Variants in CCDC178 observed in about 807,000 individuals in gnomAD.
CCDC178 encodes the protein coiled-coil domain containing 178.
Under a neutral mutation model 117.4 loss-of-function variants are expected in CCDC178, and 126 were observed. The ratio of observed to expected loss-of-function variants is 1.07; its 90% CI spans 0.93 to 1.24. The LOEUF (loss-of-function observed/expected upper bound fraction) is 1.24. Ranked by LOEUF, CCDC178 falls within the 50% of genes most tolerant of loss-of-function variation. The pLI, the probability that CCDC178 is intolerant of heterozygous loss-of-function variation, is 0.00. For missense variants in CCDC178, 1,030 were observed against 986.9 expected (o/e 1.04, Z -0.59); for synonymous variants, 283 against 313.4 (o/e 0.90, Z 1.02).
At chr18:33,234,240 T>A (rs2059400773) in intron 15 of CCDC178, among the ~76,000 whole-genome samples, 1 of 151,786 alleles carries the variant, frequency 6.6e-6, no homozygotes, top group African/African-American at 2.4e-5. Flanking sequence ...CTGCTGTACC[T>A]TCACACTATT....
rs181916848 is a variant in CCDC178, at chr18:33,106,323, A to G, written c.2239-13413T>C. On this transcript the variant is annotated intron_variant, in intron 20 of 22. Transcript: ENST00000383096. ...AAAATAAAGAAAGGAAGGAAGGAAG[A>G]AAGAAAGAGCAAGTCTTCTGGAATT... Among the ~76,000 whole-genome samples, 309 of 151,840 alleles carry G rather than the reference A, an allele frequency of 2.0e-3. 2 individuals are homozygous for G. Among genetic ancestry groups the G allele is most frequent in the African/African-American group, 7.0e-3 (290 of 41,486 alleles).
At chr18:33,367,450 C>G (rs1354162616) in intron 6 of CCDC178, among the ~76,000 whole-genome samples, 1 of 151,974 alleles carries the variant, frequency 6.6e-6, no homozygotes, top group African/African-American at 2.4e-5. Context: ...TCAAAGAGTT[C>G]TTTCCAGTTG....
chr18:33,238,171 A>T (rs1599037569), intron 15 of CCDC178, among the ~76,000 whole-genome samples: 1 of 152,170 alleles, frequency 6.6e-6, no homozygotes, highest in East Asian at 1.9e-4. Flanking sequence ...TACATAACGT[A>T]CTCCATAAAA....
intron 21 of CCDC178, among the ~76,000 whole-genome samples, chr18:33,035,384 T>C (rs2056424139): frequency 6.6e-6 from 1 of 151,718 alleles, no homozygotes; most frequent in South Asian, 2.1e-4. Flanking sequence ...AATGAATGGA[T>C]AAAGAAAATA....
chr18:33,088,381 GAT>G (rs2057414281), intron 21 of CCDC178, among the ~76,000 whole-genome samples: 1 of 149,050 alleles, frequency 6.7e-6, no homozygotes, highest in Non-Finnish European at 1.5e-5. Context: ...GGAAATAATG[GAT>G]ATCTTAACAA....
At chr18:33,388,171 C>T (rs1008774163) in intron 5 of CCDC178, among the ~76,000 whole-genome samples, 32 of 152,180 alleles carry the variant, frequency 2.1e-4, no homozygotes, top group African/African-American at 7.7e-4. Flanking sequence ...GAGATACCAT[C>T]TCACGCCAGT....
intron 21 of CCDC178, among the ~76,000 whole-genome samples, chr18:33,083,454 C>T (rs1242359913): frequency 6.6e-6 from 1 of 152,198 alleles, no homozygotes; most frequent in Non-Finnish European, 1.5e-5. Context: ...GTGTCAATTT[C>T]AGTGCTTCCT....
At chr18:32,998,898 C>T (rs545143418) in intron 21 of CCDC178, among the ~76,000 whole-genome samples, 74 of 152,134 alleles carry the variant, frequency 4.9e-4, no homozygotes, top group Non-Finnish European at 6.3e-4. Context: ...CAGGTGTCAA[C>T]ATATTTCCAG....
chr18:33,003,487 C>A (rs1043132539), intron 21 of CCDC178, among the ~76,000 whole-genome samples: 6 of 152,032 alleles, frequency 3.9e-5, no homozygotes, highest in African/African-American at 1.4e-4. Context: ...ATTTAACATC[C>A]TTTCATAATA....
intron 21 of CCDC178, among the ~76,000 whole-genome samples, chr18:33,011,544 G>A (rs2055864686): frequency 6.6e-6 from 1 of 151,704 alleles, no homozygotes; most frequent in Admixed American, 6.6e-5. Flanking sequence ...CTCCCACACC[G>A]TCCAGGCGAA....
At chr18:33,377,637 G>A (rs2063383144) in intron 5 of CCDC178, among the ~76,000 whole-genome samples, 1 of 152,138 alleles carries the variant, frequency 6.6e-6, no homozygotes, top group South Asian at 2.1e-4. Flanking sequence ...CGGTGAAAGG[G>A]AGGGGTCCAA....
chr18:33,282,705 C>T (rs114017478), intron 12 of CCDC178, among the ~76,000 whole-genome samples: 18 of 152,238 alleles, frequency 1.2e-4, no homozygotes, highest in South Asian at 2.1e-4. Context: ...CATGTTTGCA[C>T]GGGAGAGTTT....
At chr18:33,253,818 C>T (rs1230251097) in intron 14 of CCDC178, among the ~76,000 whole-genome samples, 1 of 151,686 alleles carries the variant, frequency 6.6e-6, no homozygotes, top group Non-Finnish European at 1.5e-5. Flanking sequence ...CTGATTGCTC[C>T]TTATGTAATT....
At chr18:33,299,087 T>C (rs1273282457) in intron 11 of CCDC178, among the ~76,000 whole-genome samples, 1 of 152,060 alleles carries the variant, frequency 6.6e-6, no homozygotes, top group Non-Finnish European at 1.5e-5. Context: ...AGAATACCAA[T>C]GACAGTATTC....
At chr18:33,121,385 C>T (rs1598904843) in intron 20 of CCDC178, among the ~76,000 whole-genome samples, 1 of 152,110 alleles carries the variant, frequency 6.6e-6, no homozygotes, top group East Asian at 1.9e-4. Context: ...AAATTTCAGA[C>T]TTACTTAGCT....
chr18:33,269,906 CA>C (rs1263743363), intron 12 of CCDC178, among the ~76,000 whole-genome samples: 2 of 151,606 alleles, frequency 1.3e-5, no homozygotes, highest in African/African-American at 4.8e-5. Context: ...GAAATTATCT[CA>C]GGGGAAAATT....
At chr18:33,404,899 T>C (rs879794228) in intron 3 of CCDC178, among the ~76,000 whole-genome samples, 7 of 151,810 alleles carry the variant, frequency 4.6e-5, no homozygotes, top group Non-Finnish European at 8.8e-5. Context: ...ATATGAAATA[T>C]CTAGAGTAAA....
At chr18:33,217,898 C>A (rs1033811552) in intron 18 of CCDC178, among the ~76,000 whole-genome samples, 5 of 151,852 alleles carry the variant, frequency 3.3e-5, no homozygotes, top group African/African-American at 1.2e-4. Flanking sequence ...TGAACCTGTA[C>A]AAGTTAATTA....
chr18:33,240,255 A>G (rs1271733948), intron 15 of CCDC178, among the ~76,000 whole-genome samples: 1 of 151,868 alleles, frequency 6.6e-6, no homozygotes, highest in Non-Finnish European at 1.5e-5. Context: ...AGCCAAGTTC[A>G]TAGCACTAAA....
Sources: allele counts gnomAD v4.1 joint callset (sites outside exome capture counted in the v4.1 genomes callset), GRCh38; gene constraint gnomAD v4.1.1; transcripts MANE v1.5; gene names NCBI Gene and HGNC (gene_info 2026-07-23, HGNC 2026-07-21).